The following HNRNPD variants were observed in gnomAD, a reference collection of about 807,000 sequenced individuals.
HNRNPD encodes the protein heterogeneous nuclear ribonucleoprotein D.
HNRNPD carries 3 observed loss-of-function variants against 47.9 expected under a neutral mutation model. The ratio of observed to expected loss-of-function variants is 0.06; its 90% CI spans 0.03 to 0.16. The LOEUF is 0.16. Among genes scored for constraint, HNRNPD ranks in the 10% least tolerant of loss-of-function variants. The pLI is 1.00. For synonymous variants in HNRNPD, 171 were observed against 165.1 expected, an observed-to-expected ratio of 1.04 and a Z score of -0.28; for missense variants, 287 against 454.2, an observed-to-expected ratio of 0.63 and a Z score of 3.35.
chr4:82,373,954 T>G lies in HNRNPD; in HGVS notation c.-276A>C. The stretch of plus-strand genomic sequence containing the variant: ...GCGGCCGCTCTCGCCTCCTCCTCGC[T>G]TTAATGGCGCCGCCGCGGACCACCT... On this transcript the variant is annotated 5_prime_UTR_variant, in exon 1 of 9. Transcript: ENST00000313899. 1 of 699,310 alleles carries G rather than the reference T, an allele frequency of 1.4e-6. No homozygotes were observed. The highest frequency in any genetic ancestry group is 1.9e-5 in the African/African-American group (1 of 52,572). 43.3% of individuals were successfully genotyped at this position (699,310 alleles called of 1,614,324 possible). A position where few individuals can be genotyped will look rare whatever the true frequency, so the allele number is the denominator to read the frequency against.
At chr4:82,363,775 G>C (rs1456397534) in intron 2 of HNRNPD, among the ~76,000 whole-genome samples, 1 of 152,158 alleles carries the variant, frequency 6.6e-6, no homozygotes, top group African/African-American at 2.4e-5. Context: ...CTCCACAACA[G>C]AAGTCTCCTT....
chr4:82,354,537 G>A (rs1271346524), intron 8 of HNRNPD: 2 of 152,524 alleles, frequency 1.3e-5, no homozygotes, highest in Admixed American at 6.5e-5. Context: ...AGTTATATAC[G>A]ACTAAAAGAA....
intron 2 of HNRNPD, among the ~76,000 whole-genome samples, chr4:82,368,859 T>TTAAA (rs1404343505): frequency 6.6e-6 from 1 of 152,234 alleles, no homozygotes; most frequent in Non-Finnish European, 1.5e-5. Context: ...TAGTCTTTTA[T>TTAAA]AATCAGACAG....
rs1720268753 is a variant in HNRNPD, at chr4:82,373,705, C to CGA, written c.-29_-28dup. ...GTGCTAGTGTCTCCGCCGCTGCCGC[C>CGA]GAGACTACACCCGCCGCTGCCGCGA... On this transcript the variant is annotated 5_prime_UTR_variant, in exon 1 of 9. Transcript: ENST00000313899. The CGA allele has an allele frequency of 6.7e-7, 1 of 1,500,412 alleles. No individual in the cohort carries two copies. Among genetic ancestry groups the CGA allele is most frequent in the African/African-American group, 1.5e-5 (1 of 64,842 alleles). The allele number at this position is 1,500,412 out of a possible 1,614,324, so 92.9% of individuals were successfully genotyped here.
chr4:82,358,930 G>A, intron 3 of HNRNPD, 110 bp from the exon 4 acceptor site: 1 of 805,242 alleles, frequency 1.2e-6, no homozygotes, highest in Non-Finnish European at 1.9e-6. Context: ...AGCATATGTT[G>A]ACTTGCTCAA....
In HNRNPD at chr4:82,373,528, T is replaced by C; in HGVS notation, c.151A>G (p.Thr51Ala). ...CCCCCTTCGGTGCCTCCAGACGCGG[T>C]TCCGCCCCCGGTCCCGGCTCCGCTT... is the stretch of plus-strand genomic sequence containing the variant. The part of the protein sequence containing the change: ...AGSGAGTGGG[T>A]ASGGTEGGSA... The change falls in exon 1 of 9, where the codon ACC (threonine) becomes GCC (alanine). Residue 51 changes from threonine (T) to alanine (A), a missense_variant. Physicochemically the swap from Thr to Ala is moderately conservative, Grantham distance 58 (BLOSUM62 0). Coordinates refer to ENST00000313899, the MANE Select transcript of HNRNPD (RefSeq NM_031370.3). 4 of 1,542,110 alleles carry C rather than the reference T, an allele frequency of 2.6e-6. No homozygotes were observed. Among genetic ancestry groups the C allele is most frequent in the Non-Finnish European group, 2.6e-6 (3 of 1,143,498 alleles).
intron 2 of HNRNPD, among the ~76,000 whole-genome samples, chr4:82,371,052 A>AT (rs1183391151): frequency 6.6e-6 from 1 of 152,038 alleles, no homozygotes; most frequent in Admixed American, 6.6e-5. Flanking sequence ...AAAGACAAAC[A>AT]TTTTTCCATA....
chr4:82,354,356 G>A (rs192268941), intron 8 of HNRNPD: 1 of 152,524 alleles, frequency 6.6e-6, no homozygotes, highest in East Asian at 1.9e-4. Flanking sequence ...GGTTTAAGAT[G>A]TGATATGCTT....
intron 2 of HNRNPD, among the ~76,000 whole-genome samples, chr4:82,367,472 A>C (rs1272223223): frequency 6.6e-6 from 1 of 152,206 alleles, no homozygotes; most frequent in Non-Finnish European, 1.5e-5. Context: ...GTTACTTTTC[A>C]AAAGTGTAAG....
intron 2 of HNRNPD, among the ~76,000 whole-genome samples, chr4:82,361,578 G>T (rs183297315): frequency 6.6e-6 from 1 of 152,148 alleles, no homozygotes; most frequent in Non-Finnish European, 1.5e-5. Context: ...TCTCTGTCTG[G>T]TCTATTCAGA....
Position 82,373,584 on chromosome 4 carries a change from G to A in HNRNPD, c.95C>T (p.Ala32Val), listed in dbSNP as rs1306067577. 3 of 1,533,266 alleles carry A rather than the reference G, an allele frequency of 2.0e-6. No homozygotes were observed. The highest frequency in any genetic ancestry group is 2.6e-6 in the Non-Finnish European group (3 of 1,143,168). The allele number at this position is 1,533,266 out of a possible 1,614,324, so 95.0% of individuals were successfully genotyped here. ...CGCCGCCGCTGCCCCCTGTGTCGCC[G>A]CCACCATGGCTCCCTCCTGCTCGCC... ...SAGEQEGAMV[A>V]ATQGAAAAAG... is the part of the protein sequence containing the mutation. The change falls in exon 1 of 9, where the codon GCG becomes GTG. Residue 32 changes from alanine (A) to valine (V), a missense_variant. Coordinates refer to ENST00000313899, the MANE Select transcript of HNRNPD (RefSeq NM_031370.3).
At chr4:82,372,863 T>A (rs1169548993) in intron 1 of HNRNPD, among the ~76,000 whole-genome samples, 2 of 152,028 alleles carry the variant, frequency 1.3e-5, no homozygotes, top group African/African-American at 4.8e-5. Flanking sequence ...AGAAAATGAG[T>A]AAATCCTTAG....
intron 2 of HNRNPD, among the ~76,000 whole-genome samples, chr4:82,364,514 G>A (rs997860459): frequency 1.3e-5 from 2 of 152,022 alleles, no homozygotes; most frequent in Non-Finnish European, 2.9e-5. Flanking sequence ...TTACTCAATG[G>A]CTTAATTTTT....
At chr4:82,370,805 A>G (rs1244193050) in intron 2 of HNRNPD, among the ~76,000 whole-genome samples, 1 of 152,194 alleles carries the variant, frequency 6.6e-6, no homozygotes, top group Non-Finnish European at 1.5e-5. Context: ...GGGAGGGGAA[A>G]GGATGGATAA....
chr4:82,373,140 TC>T, intron 1 of HNRNPD: 1 of 601,874 alleles, frequency 1.7e-6, no homozygotes, highest in Non-Finnish European at 3.1e-6. Context: ...CGGGAAAAAA[TC>T]CTGGCGGCTA....
chr4:82,362,273 TG>T (rs1047209536), intron 2 of HNRNPD, among the ~76,000 whole-genome samples: 5 of 152,250 alleles, frequency 3.3e-5, no homozygotes, highest in African/African-American at 1.2e-4. Context: ...CACCAGTTGC[TG>T]TTCTAAAAAG....
In HNRNPD at chr4:82,358,646, A is replaced by G; in HGVS notation, c.621+13T>C. The G allele has an allele frequency of 6.3e-7, 1 of 1,598,058 alleles. No homozygotes were observed. Among genetic ancestry groups the G allele is most frequent in the Non-Finnish European group, 8.5e-7 (1 of 1,175,754 alleles). On this transcript the variant is annotated intron_variant, in intron 4 of 8. Coordinates refer to ENST00000313899, the MANE Select transcript of HNRNPD (RefSeq NM_031370.3). ...ATTTTGACATAAACTGGGTCAAAAC[A>G]TTTATAACATACCTCACCAAAACCA...
chr4:82,366,185 TAACTAAATGACTACTAAA>T (rs1435847973), intron 2 of HNRNPD, among the ~76,000 whole-genome samples: 1 of 152,182 alleles, frequency 6.6e-6, no homozygotes, highest in Non-Finnish European at 1.5e-5. Context: ...AGAATGAACC[TAACTAAATGACTACTAAA>T]AAGCGAAGTT....
chr4:82,370,895 T>A (rs1458054583), intron 2 of HNRNPD, among the ~76,000 whole-genome samples: 2 of 152,048 alleles, frequency 1.3e-5, no homozygotes, highest in Non-Finnish European at 2.9e-5. Flanking sequence ...GTTATTAATA[T>A]TCCAGCCAAA....
Sources: gnomAD v4.1 joint callset for allele counts (sites outside exome capture counted in the v4.1 genomes callset) on GRCh38, gnomAD v4.1.1 for gene constraint, MANE v1.5 for transcripts, NCBI Gene and HGNC (gene_info 2026-07-23, HGNC 2026-07-21) for gene names.